P3H2: variants seen among roughly 807,000 people sequenced by gnomAD.
P3H2 encodes prolyl 3-hydroxylase 2.
P3H2 carries 80 observed loss-of-function variants against 87.0 expected under a neutral mutation model. The observed-to-expected ratio is 0.92, with a 90% confidence interval of 0.77 to 1.11. The LOEUF (loss-of-function observed/expected upper bound fraction) is 1.11. Among genes scored for constraint, P3H2 ranks in the 50% least tolerant of loss-of-function variants. The pLI, the probability that P3H2 is intolerant of heterozygous loss-of-function variation, is 0.00. For synonymous variants in P3H2, 367 were observed against 359.3 expected, an observed-to-expected ratio of 1.02 and a Z score of -0.24; for missense variants, 1,001 against 923.9, an observed-to-expected ratio of 1.08 and a Z score of -1.08.
At chr3:190,052,621 G>A (rs962869685) in intron 1 of P3H2, among the ~76,000 whole-genome samples, 15 of 151,748 alleles carry the variant, frequency 9.9e-5, no homozygotes, top group African/African-American at 2.4e-4. Flanking sequence ...GGTTATTACC[G>A]TGTCTAAGAA....
At chr3:190,035,337 T>C (rs1725386530) in intron 1 of P3H2, among the ~76,000 whole-genome samples, 1 of 152,198 alleles carries the variant, frequency 6.6e-6, no homozygotes. Flanking sequence ...TTCTATTTAA[T>C]AGGTATTAGA....
intron 1 of P3H2, among the ~76,000 whole-genome samples, chr3:190,031,422 G>A (rs901883349): frequency 3.9e-5 from 4 of 102,168 alleles, no homozygotes; most frequent in Non-Finnish European, 8.0e-5. Flanking sequence ...CTAATCACCT[G>A]AGGTCAGGAG....
intron 1 of P3H2, among the ~76,000 whole-genome samples, chr3:190,117,605 A>G (rs1056987050): frequency 6.6e-6 from 1 of 151,004 alleles, no homozygotes; most frequent in Non-Finnish European, 1.5e-5. Context: ...TAGAATCCAG[A>G]CCTGTCAGAG....
At chr3:190,033,009 T>A (rs966582864) in intron 1 of P3H2, among the ~76,000 whole-genome samples, 9 of 152,188 alleles carry the variant, frequency 5.9e-5, no homozygotes, top group Admixed American at 5.9e-4. Context: ...AACTAGACGG[T>A]CCCATCTAGT....
At chr3:190,045,132 A>C (rs1560376947) in intron 1 of P3H2, among the ~76,000 whole-genome samples, 1 of 152,184 alleles carries the variant, frequency 6.6e-6, no homozygotes, top group Non-Finnish European at 1.5e-5. Flanking sequence ...TTTGAGGAAG[A>C]CCTTTGGCAT....
intron 1 of P3H2, among the ~76,000 whole-genome samples, chr3:189,998,423 T>C (rs1724113575): frequency 6.6e-6 from 1 of 152,222 alleles, no homozygotes; most frequent in Non-Finnish European, 1.5e-5. Context: ...TACTGAAATA[T>C]GTCATGTCCT....
intron 1 of P3H2, among the ~76,000 whole-genome samples, chr3:190,052,833 C>T (rs1726026376): frequency 1.3e-5 from 2 of 152,100 alleles, no homozygotes; most frequent in Admixed American, 1.3e-4. Context: ...CCCCATGAAT[C>T]CACACAGCGA....
At chr3:190,114,291 C>G (rs1712199495) in intron 1 of P3H2, among the ~76,000 whole-genome samples, 1 of 150,282 alleles carries the variant, frequency 6.7e-6, no homozygotes, top group African/African-American at 2.4e-5. Context: ...TCACGCCATT[C>G]TCCTGCCTCA....
chr3:190,055,667 T>C (rs140579461), intron 1 of P3H2, among the ~76,000 whole-genome samples: 18 of 152,306 alleles, frequency 1.2e-4, no homozygotes, highest in African/African-American at 3.6e-4. Flanking sequence ...AAGTCAAAGA[T>C]TATTATGTGG....
rs1723560063 is a variant in P3H2, at chr3:189,982,256, CAT to C, written c.1324+788_1324+789del. Among the ~76,000 whole-genome samples the C allele has an allele frequency of 2.6e-5, 4 of 152,216 alleles. No homozygotes were observed. The South Asian group carries it at 8.3e-4, about 31-fold the overall frequency. Reference sequence around the variant, plus strand: ...TCAGAGAAGTCATTAAATCTTCCCACATGAGATGCTGTTAGTATTAAAATAGT... The same window carrying C: ...TCAGAGAAGTCATTAAATCTTCCCACGAGATGCTGTTAGTATTAAAATAGT... On this transcript the variant is annotated intron_variant, in intron 8 of 14. Transcript: ENST00000319332.
Position 190,048,899 on chromosome 3 carries a change from T to C in P3H2, c.481-53457A>G, listed in dbSNP as rs1162108100. ...ACATGTCCTTTTAGCCTTAACACCT[T>C]CCAAAGGAAGGAGAAAAATAGCTTT... is the stretch of plus-strand genomic sequence containing the variant. On this transcript the variant is annotated intron_variant, in intron 1 of 14. Transcript: ENST00000319332. Among the ~76,000 whole-genome samples the C allele has an allele frequency of 8.5e-5, 13 of 152,160 alleles. No homozygotes were observed. The East Asian group carries it at 2.3e-3, about 27-fold the overall frequency.
At chr3:190,023,443 T>C (rs1330622328) in intron 1 of P3H2, among the ~76,000 whole-genome samples, 1 of 152,086 alleles carries the variant, frequency 6.6e-6, no homozygotes, top group East Asian at 1.9e-4. Flanking sequence ...CCAGGGAGGA[T>C]GGCGAAGGGG....
intron 1 of P3H2, among the ~76,000 whole-genome samples, chr3:190,044,013 T>A (rs1725722132): frequency 6.6e-6 from 1 of 152,198 alleles, no homozygotes; most frequent in Non-Finnish European, 1.5e-5. Context: ...AAGGTAGTCA[T>A]AAACACTTTA....
chr3:190,015,976 C>A (rs1577274519), intron 1 of P3H2, among the ~76,000 whole-genome samples: 2 of 152,092 alleles, frequency 1.3e-5, no homozygotes, highest in South Asian at 4.1e-4. Context: ...GGTGGGGGTG[C>A]TTGCATTCTA....
chr3:190,042,348 G>A (rs908902257), intron 1 of P3H2, among the ~76,000 whole-genome samples: 2 of 152,048 alleles, frequency 1.3e-5, no homozygotes, highest in Admixed American at 6.6e-5. Context: ...CTGAGGACAC[G>A]GTTCCAAAAA....
At chr3:190,039,529 G>T (rs974777801) in intron 1 of P3H2, among the ~76,000 whole-genome samples, 1 of 152,118 alleles carries the variant, frequency 6.6e-6, no homozygotes. Context: ...TTGCAAAACC[G>T]TTGAACCTTT....
chr3:190,023,578 GC>G (rs1195480197), intron 1 of P3H2, among the ~76,000 whole-genome samples: 3 of 152,128 alleles, frequency 2.0e-5, no homozygotes, highest in Admixed American at 2.0e-4. Context: ...GGGGAAAACT[GC>G]CCCCATGACT....
chr3:190,009,596 T>C (rs773010504), intron 1 of P3H2, among the ~76,000 whole-genome samples: 3 of 152,186 alleles, frequency 2.0e-5, no homozygotes, highest in Non-Finnish European at 4.4e-5. Context: ...TTTCTGTTCA[T>C]TTAAAACGTT....
intron 1 of P3H2, among the ~76,000 whole-genome samples, chr3:190,033,351 C>T (rs188689610): frequency 6.6e-6 from 1 of 152,044 alleles, no homozygotes; most frequent in Admixed American, 6.5e-5. Flanking sequence ...TCAAAATAAC[C>T]AGAATATATA....
Sources: gnomAD v4.1 joint callset for allele counts (sites outside exome capture counted in the v4.1 genomes callset) on GRCh38, gnomAD v4.1.1 for gene constraint, MANE v1.5 for transcripts, NCBI Gene and HGNC (gene_info 2026-07-23, HGNC 2026-07-21) for gene names.